The following CRYBG3 variants were observed in gnomAD, a reference collection of about 807,000 sequenced individuals.
CRYBG3 encodes the protein very large A-kinase anchor protein.
Under a neutral mutation model 244.2 loss-of-function variants are expected in CRYBG3, and 127 were observed. The observed-to-expected ratio is 0.52, with a 90% CI of 0.45 to 0.60. The LOEUF is 0.60. CRYBG3 is among the 20% of genes least tolerant of loss of function. The pLI, the probability that CRYBG3 is intolerant of heterozygous loss-of-function variation, is 0.00. For missense variants in CRYBG3, 3,325 were observed against 3,442.5 expected, an observed-to-expected ratio of 0.97 and a Z score of 0.85; for synonymous variants, 1,132 against 1,195.8, an observed-to-expected ratio of 0.95 and a Z score of 1.10.
Position 97,877,689 on chromosome 3 carries a change from TG to T in CRYBG3, c.6497del (p.Gly2166GlufsTer33). On this transcript the variant is annotated frameshift_variant, in exon 4 of 22. Transcript: ENST00000389622. LOFTEE classifies it high-confidence loss of function. Reference protein sequence around the residue: ...AVLHKGDLRAGSGERVTFQLP... With the variant: ...AVLHKGDLRAXSGERVTFQLP... ...TATTGCATAAAGGAGATCTGAGAGC[TG>T]GAAGTGGGGAGCGTGTTACCTTCCA... The T allele has an allele frequency of 6.2e-7, 1 of 1,614,104 alleles. No homozygotes were observed. Among genetic ancestry groups the T allele is most frequent in the African/African-American group, 1.3e-5 (1 of 75,026 alleles).
rs137914010 is a variant in CRYBG3 at position 97,833,338 on chromosome 3, A to G, written c.150-9857A>G. ...CAAATGCCCATCAATGATAGACTGG[A>G]TAAAGAAAATGTGGCACATATACAC... is the stretch of plus-strand genomic sequence containing the variant. On this transcript the variant is annotated intron_variant, in intron 1 of 21. Transcript: ENST00000389622. Among the ~76,000 whole-genome samples the G allele has an allele frequency of 6.4e-3, 978 of 152,346 alleles. 5 individuals carry two copies. The highest frequency in any genetic ancestry group is 0.014 in the Middle Eastern group (4 of 294).
intron 3 of CRYBG3, among the ~76,000 whole-genome samples, chr3:97,866,385 T>C (rs1225813429): frequency 6.6e-6 from 1 of 152,178 alleles, no homozygotes; most frequent in African/African-American, 2.4e-5. Context: ...AGTGGCTCAA[T>C]TGTGCTGCAT....
intron 17 of CRYBG3, among the ~76,000 whole-genome samples, chr3:97,917,308 G>C (rs1279865563): frequency 6.6e-6 from 1 of 152,120 alleles, no homozygotes; most frequent in Admixed American, 6.6e-5. Context: ...TCCTGTTTTT[G>C]GTCCTAGTTT....
At chr3:97,882,227 T>G (rs1284453797) in intron 7 of CRYBG3, among the ~76,000 whole-genome samples, 1 of 151,612 alleles carries the variant, frequency 6.6e-6, no homozygotes, top group Admixed American at 6.6e-5. Flanking sequence ...ATAATAATAA[T>G]AATAGCAGCA....
At chr3:97,864,966 A>C (rs773848632) in intron 3 of CRYBG3, among the ~76,000 whole-genome samples, 1 of 152,128 alleles carries the variant, frequency 6.6e-6, no homozygotes, top group South Asian at 2.1e-4. Context: ...TTTCGGGGAA[A>C]ATGGTCCTCA....
At chr3:97,824,848 C>T (rs932774017) in intron 1 of CRYBG3, among the ~76,000 whole-genome samples, 11 of 152,148 alleles carry the variant, frequency 7.2e-5, no homozygotes, top group Admixed American at 3.9e-4. Context: ...TCCCAGAGTT[C>T]TGTGGATCCC....
intron 18 of CRYBG3, among the ~76,000 whole-genome samples, chr3:97,936,109 A>T (rs2040161143): frequency 6.6e-6 from 1 of 152,086 alleles, no homozygotes; most frequent in Non-Finnish European, 1.5e-5. Flanking sequence ...CTGTGTCATG[A>T]CTACTGAAGT....
chr3:97,908,939 C>G (rs1442888378), intron 15 of CRYBG3, among the ~76,000 whole-genome samples: 3 of 151,888 alleles, frequency 2.0e-5, no homozygotes, highest in Non-Finnish European at 2.9e-5. Flanking sequence ...TTAGGGCAGG[C>G]CTGGTGGTGA....
At chr3:97,905,909 A>G (rs2039768707) in intron 15 of CRYBG3, among the ~76,000 whole-genome samples, 1 of 146,168 alleles carries the variant, frequency 6.8e-6, no homozygotes, top group Non-Finnish European at 1.5e-5. Flanking sequence ...TCCATCTTGA[A>G]TTGATTTTTG....
At chr3:97,862,753 A>G (rs963298244) in intron 2 of CRYBG3, among the ~76,000 whole-genome samples, 1 of 128,146 alleles carries the variant, frequency 7.8e-6, no homozygotes, top group Non-Finnish European at 1.6e-5. Flanking sequence ...AACTAGTGAA[A>G]GGTGAGATGT....
chr3:97,871,732 C>T, intron 3 of CRYBG3, 110 bp from the exon 4 acceptor site: 8 of 672,972 alleles, frequency 1.2e-5, no homozygotes, highest in Non-Finnish European at 1.8e-5. Context: ...CAAATTGGTA[C>T]ATATTAAGGG....
rs756381858 is a variant in CRYBG3, at chr3:97,881,108, G to C, written c.7041G>C (p.Gln2347His). Reference protein sequence around the residue: ...ILYEKPHFRGQKCVLEEGEKV... With the variant: ...ILYEKPHFRGHKCVLEEGEKV... ...ATGAGAAACCACATTTCCGAGGTCA[G>C]AAATGTGTGCTAGAAGAAGGGGAAA... Residue 2347 changes from glutamine (Q) to histidine (H), a missense_variant, in exon 7 of 22, where the codon CAG becomes CAC. Gln to His is a conservative substitution (Grantham distance 24). This residue lies in a region of CRYBG3 where 714 missense variants were observed against 803.6 expected (regional missense o/e 0.89). Coordinates refer to ENST00000389622, the MANE Select transcript of CRYBG3 (RefSeq NM_153605.4). The C allele has an allele frequency of 2.5e-6, 4 of 1,607,748 alleles. No individual in the cohort carries two copies. In the African/African-American group the frequency reaches 5.4e-5, roughly 22 times the overall value.
chr3:97,883,959 GA>G (rs1465115780), intron 7 of CRYBG3, among the ~76,000 whole-genome samples: 1 of 152,084 alleles, frequency 6.6e-6, no homozygotes, highest in African/African-American at 2.4e-5. Flanking sequence ...GTCCTTTAAA[GA>G]TAGTTATTTC....
intron 1 of CRYBG3, among the ~76,000 whole-genome samples, chr3:97,841,639 G>C (rs1388849784): frequency 6.6e-6 from 1 of 151,990 alleles, no homozygotes; most frequent in Non-Finnish European, 1.5e-5. Context: ...TTTGATCAGA[G>C]CTATTGATAC....
chr3:97,841,635 C>G (rs1231634767), intron 1 of CRYBG3, among the ~76,000 whole-genome samples: 2 of 152,062 alleles, frequency 1.3e-5, no homozygotes, highest in Non-Finnish European at 2.9e-5. Flanking sequence ...TTTATTTGAT[C>G]AGAGCTATTG....
At chr3:97,835,997 C>T (rs1429617937) in intron 1 of CRYBG3, among the ~76,000 whole-genome samples, 1 of 152,090 alleles carries the variant, frequency 6.6e-6, no homozygotes, top group African/African-American at 2.4e-5. Flanking sequence ...GTACTGTAGA[C>T]AGCTCAGGCA....
intron 1 of CRYBG3, among the ~76,000 whole-genome samples, chr3:97,831,658 G>A (rs934113122): frequency 1.3e-5 from 2 of 152,062 alleles, no homozygotes; most frequent in Non-Finnish European, 2.9e-5. Flanking sequence ...TCAAATCAGG[G>A]TTTTTAGTAT....
chr3:97,835,992 G>A (rs1283716489), intron 1 of CRYBG3, among the ~76,000 whole-genome samples: 1 of 152,076 alleles, frequency 6.6e-6, no homozygotes, highest in Non-Finnish European at 1.5e-5. Flanking sequence ...CACATGTACT[G>A]TAGACAGCTC....
intron 14 of CRYBG3, 69 bp downstream of exon 14, chr3:97,899,332 C>CT (rs2039677740): frequency 1.3e-6 from 2 of 1,507,710 alleles, no homozygotes; most frequent in Non-Finnish European, 1.8e-6. Flanking sequence ...GTGGAAAACA[C>CT]TTTTTAAAAG....
Sources: gnomAD v4.1 joint callset for allele counts (sites outside exome capture counted in the v4.1 genomes callset) on GRCh38, gnomAD v4.1.1 for gene constraint, gnomAD v4.1.1 regional missense constraint, MANE v1.5 for transcripts, NCBI Gene and HGNC (gene_info 2026-07-23, HGNC 2026-07-21) for gene names.